Variants in RBBP6 observed in about 807,000 individuals in gnomAD.
RBBP6 encodes RB binding protein 6, ubiquitin ligase.
In RBBP6, 25 loss-of-function variants were observed where a neutral mutation model predicts 167.7. The ratio of observed to expected loss-of-function variants is 0.15; its 90% CI spans 0.11 to 0.21. The LOEUF is 0.21. RBBP6 is among the 10% of genes least tolerant of loss of function. The pLI is 1.00. For synonymous variants in RBBP6, 789 were observed against 735.8 expected (o/e 1.07, Z -1.17); for missense variants, 1,868 against 2,134.2 (o/e 0.88, Z 2.46).
At position 24,572,145 on chromosome 16, in the gene RBBP6, C is replaced by G; in HGVS notation, c.5079C>G (p.His1693Gln). 6.2e-7 allele frequency: 1 copy of G among 1,614,060 alleles called. No homozygotes were observed. The highest frequency in any genetic ancestry group is 8.5e-7 in the Non-Finnish European group (1 of 1,180,008). ...VQVGISRNQS[H>Q]SSPSVSPSRS... ...TGGGCATAAGCAGGAATCAGAGCCA[C>G]AGCAGCCCCAGCGTCAGCCCCAGCA... Residue 1693 changes from histidine to glutamine, a missense_variant, in exon 18 of 18, where the codon CAC (histidine) becomes CAG (glutamine). Around this residue, in one of 7 missense-constraint regions of RBBP6, gnomAD observed 591 missense variants for 540.5 expected, o/e 1.09. Coordinates refer to ENST00000319715, the MANE Select transcript of RBBP6 (RefSeq NM_006910.5).
intron 7 of RBBP6, chr16:24,558,385 T>C: frequency 6.2e-6 from 2 of 324,162 alleles, no homozygotes; most frequent in African/African-American, 2.3e-5. Context: ...TCTTTTTTTC[T>C]TTTTTTTTTT....
At chr16:24,544,488 A>G (rs1048283583) in intron 1 of RBBP6, among the ~76,000 whole-genome samples, 2 of 152,230 alleles carry the variant, frequency 1.3e-5, no homozygotes, top group Admixed American at 6.5e-5. Context: ...AATAATTAAT[A>G]TACATTAAAA....
In RBBP6 at chr16:24,539,836, A is replaced by G. The variant is rs1898436407; in HGVS notation, c.-791A>G. 6.6e-6 allele frequency: 1 copy of G among 152,172 alleles called. No individual in the cohort carries two copies. Among genetic ancestry groups the G allele is most frequent in the Admixed American group, 6.5e-5 (1 of 15,280 alleles). 9.4% of individuals were successfully genotyped at this position (152,172 alleles called of 1,614,324 possible). Reference sequence around the variant, plus strand: ...GGTGTCCCCGGGGTCCGCCGAAGCCACCCGGCCGCCGGCTGGGGCCCGGGG... The same window carrying G: ...GGTGTCCCCGGGGTCCGCCGAAGCCGCCCGGCCGCCGGCTGGGGCCCGGGG... On this transcript the variant is annotated 5_prime_UTR_variant, in exon 1 of 18. Coordinates refer to ENST00000319715, the MANE Select transcript of RBBP6 (RefSeq NM_006910.5).
chr16:24,567,109 T>G, intron 14 of RBBP6, 34 bp from the exon 15 acceptor site: 1 of 1,582,728 alleles, frequency 6.3e-7, no homozygotes. Context: ...GACTTTAGTT[T>G]GAAGAAGTAA....
At chr16:24,556,514 T>C in intron 7 of RBBP6, 67 bp downstream of exon 7, 1 of 1,459,866 alleles carries the variant, frequency 6.8e-7, no homozygotes, top group Non-Finnish European at 9.1e-7. Flanking sequence ...TGTTTTAATC[T>C]TGGGCTTGTA....
chr16:24,568,695 A>C, intron 16 of RBBP6, 50 bp from the exon 17 acceptor site: 1 of 1,543,224 alleles, frequency 6.5e-7, no homozygotes, highest in African/African-American at 1.4e-5. Context: ...TCTGTGTTTT[A>C]TTTTGTATGT....
Position 24,563,439 on chromosome 16 carries a change from T to G in RBBP6, c.1403T>G (p.Val468Gly), listed in dbSNP as rs773313996. 13 of 1,612,292 alleles carry G rather than the reference T, an allele frequency of 8.1e-6. 1 individual carries two copies. In the South Asian group the frequency reaches 1.4e-4, roughly 18 times the overall value. The change falls in exon 12 of 18, where the codon GTT becomes GGT. Residue 468 changes from valine (V) to glycine (G), a missense_variant. Around this residue, in one of 7 missense-constraint regions of RBBP6, gnomAD observed 245 missense variants for 240.1 expected, o/e 1.02. Coordinates refer to ENST00000319715, the MANE Select transcript of RBBP6 (RefSeq NM_006910.5). ...TTTCTAAAGGGTTACCAGGTGCCTG[T>G]TCTTGGAACCCCATCTTTGCTTGGA... ...LMEEKGYQVP[V>G]LGTPSLLGQS... is the part of the protein sequence containing the mutation.
rs778053602 is a variant in RBBP6, at chr16:24,569,846, T to G, written c.3156T>G (p.Ser1052=). The part of the protein sequence containing the change: ...QEKVDGERER[S]PRSEPPIKKA... ...AAGTAGATGGAGAACGTGAGAGATC[T>G]CCTCGATCTGAACCTCCAATTAAAA... Residue 1052 remains serine, a synonymous_variant, in exon 17 of 18, where the codon TCT becomes TCG. Coordinates refer to ENST00000319715, the MANE Select transcript of RBBP6 (RefSeq NM_006910.5). The G allele has an allele frequency of 6.8e-6, 11 of 1,610,872 alleles. No individual in the cohort carries two copies. The highest frequency in any genetic ancestry group is 9.3e-6 in the Non-Finnish European group (11 of 1,179,292).
At chr16:24,541,618 A>T (rs1898502400) in intron 1 of RBBP6, among the ~76,000 whole-genome samples, 2 of 152,242 alleles carry the variant, frequency 1.3e-5, no homozygotes, top group Non-Finnish European at 2.9e-5. Context: ...ACTGATAAGA[A>T]TCGTTAGATT....
At chr16:24,556,216 ATATAG>A in intron 6 of RBBP6, 87 bp from the exon 7 acceptor site, 1 of 1,033,388 alleles carries the variant, frequency 9.7e-7, no homozygotes, top group Middle Eastern at 3.2e-4. Context: ...ACTACAAGTA[ATATAG>A]TAAGCACTGT....
chr16:24,558,846 C>T (rs1175851085), intron 7 of RBBP6, among the ~76,000 whole-genome samples: 1 of 152,168 alleles, frequency 6.6e-6, no homozygotes, highest in African/African-American at 2.4e-5. Context: ...GTCACTAATG[C>T]TTCTTAATTG....
chr16:24,553,672 T>C (rs1567273509), intron 4 of RBBP6, 115 bp downstream of exon 4: 4 of 643,478 alleles, frequency 6.2e-6, no homozygotes, highest in East Asian at 2.9e-5. Context: ...AAAAGCATTG[T>C]ACATATTATT....
At position 24,551,221 on chromosome 16, in the gene RBBP6, T is replaced by C. The variant is rs369209316; in HGVS notation, c.303+2240T>C. Among the ~76,000 whole-genome samples, 11 of 151,976 alleles carry C rather than the reference T, an allele frequency of 7.2e-5. No homozygotes were observed. The East Asian group carries it at 7.7e-4, about 11-fold the overall frequency. On this transcript the variant is annotated intron_variant, in intron 3 of 17. Coordinates refer to ENST00000319715, the MANE Select transcript of RBBP6 (RefSeq NM_006910.5). ...TCCTTGCTTCCCAAAACAAGACCCC[T>C]AATTAGGTACAGGGAGGTGGGTTAA...
rs150863047 is a variant in RBBP6, at chr16:24,571,552, A to G, written c.4486A>G (p.Arg1496Gly). The G allele has an allele frequency of 3.7e-6, 6 of 1,613,468 alleles. No homozygotes were observed. Among genetic ancestry groups the G allele is most frequent in the African/African-American group, 1.3e-5 (1 of 74,894 alleles). ...TAGAGATGAAAAGAATGAATTAACA[A>G]GACGAAAAGACTCTCCTTCTCGGAA... ...KRRDEKNELTRRKDSPSRNKD... is the reference protein window; with the variant it reads ...KRRDEKNELTGRKDSPSRNKD... Residue 1496 changes from arginine to glycine, a missense_variant, in exon 18 of 18, where the codon AGA becomes GGA. By Grantham distance (125) the Arg-to-Gly change is moderately radical. Coordinates refer to ENST00000319715, the MANE Select transcript of RBBP6 (RefSeq NM_006910.5).
chr16:24,564,990 T>G, intron 14 of RBBP6, 125 bp downstream of exon 14: 1 of 1,398,946 alleles, frequency 7.1e-7, no homozygotes, highest in Non-Finnish European at 9.3e-7. Context: ...TGCTTATCCC[T>G]CTTAAGTCCT....
chr16:24,547,373 G>A (rs1898684483), intron 2 of RBBP6, among the ~76,000 whole-genome samples: 1 of 152,074 alleles, frequency 6.6e-6, no homozygotes, highest in African/African-American at 2.4e-5. Context: ...TGTTGTAATT[G>A]CCAAGTGAAC....
At chr16:24,561,154 C>T (rs957725269) in intron 8 of RBBP6, among the ~76,000 whole-genome samples, 3 of 151,938 alleles carry the variant, frequency 2.0e-5, no homozygotes, top group African/African-American at 7.3e-5. Context: ...TCTAGACTAT[C>T]TTATATTTCT....
chr16:24,549,599 T>G (rs1380012244), intron 3 of RBBP6, among the ~76,000 whole-genome samples: 1 of 152,066 alleles, frequency 6.6e-6, no homozygotes, highest in Non-Finnish European at 1.5e-5. Context: ...CTTGCTTTAT[T>G]TGGCATTTTG....
chr16:24,562,648 A>G (rs1899093245), intron 10 of RBBP6, among the ~76,000 whole-genome samples: 1 of 151,584 alleles, frequency 6.6e-6, no homozygotes, highest in Admixed American at 6.6e-5. Context: ...CAGAAATGAG[A>G]CTTTTGTCCA....
Sources: gnomAD v4.1 joint callset for allele counts (sites outside exome capture counted in the v4.1 genomes callset) on GRCh38, gnomAD v4.1.1 for gene constraint, gnomAD v4.1.1 regional missense constraint, MANE v1.5 for transcripts, NCBI Gene and HGNC (gene_info 2026-07-23, HGNC 2026-07-21) for gene names.